SYN2: variants seen among roughly 807,000 people sequenced by gnomAD.
The protein encoded by SYN2 is synapsin II.
A neutral mutation model predicts 50.9 loss-of-function variants in SYN2; 19 were observed. The ratio of observed to expected loss-of-function variants is 0.37; its 90% confidence interval spans 0.26 to 0.55. The LOEUF is 0.55. SYN2 is among the 20% of genes least tolerant of loss of function. SYN2 has a pLI of 0.81. For synonymous variants in SYN2, 255 were observed against 224.9 expected, an observed-to-expected ratio of 1.13 and a Z score of -1.20; for missense variants, 587 against 576.4, an observed-to-expected ratio of 1.02 and a Z score of -0.19.
intron 11 of SYN2, chr3:12,184,740 A>G: frequency 1.0e-6 from 1 of 985,922 alleles, no homozygotes; most frequent in African/African-American, 1.7e-5. Flanking sequence ...GCACCTGAGC[A>G]GATGCTGAGG....
chr3:12,129,318 A>G (rs1414457125), intron 1 of SYN2, among the ~76,000 whole-genome samples: 4 of 152,200 alleles, frequency 2.6e-5, no homozygotes, highest in African/African-American at 9.6e-5. Context: ...TGTTTCAGGA[A>G]TACATTAAAG....
chr3:12,037,968 G>C (rs1488764996), intron 1 of SYN2, among the ~76,000 whole-genome samples: 1 of 152,102 alleles, frequency 6.6e-6, no homozygotes, highest in African/African-American at 2.4e-5. Context: ...TATATCTAAA[G>C]AAACTGTTGC....
chr3:12,189,260 C>G (rs139344610), intron 12 of SYN2, among the ~76,000 whole-genome samples: 3 of 152,198 alleles, frequency 2.0e-5, no homozygotes, highest in African/African-American at 4.8e-5. Flanking sequence ...GACCTCATGT[C>G]CTCTCCTGGA....
At chr3:12,056,119 A>C (rs1164279796) in intron 1 of SYN2, among the ~76,000 whole-genome samples, 2 of 152,162 alleles carry the variant, frequency 1.3e-5, no homozygotes, top group African/African-American at 4.8e-5. Flanking sequence ...AAAGGGATGC[A>C]CAGGGAAACC....
intron 1 of SYN2, among the ~76,000 whole-genome samples, chr3:12,033,635 C>A (rs1324842999): frequency 6.6e-6 from 1 of 152,158 alleles, no homozygotes; most frequent in Non-Finnish European, 1.5e-5. Flanking sequence ...TCTTAATCAC[C>A]CCAAAAACCA....
chr3:12,150,016 C>G lies in SYN2; in HGVS notation c.685-1221C>G, dbSNP rs149250423. ...CCTAGGAAGTTAACAGAACAAGAAT[C>G]AGAAGATTCCAGTTTTCTAACAACC... is the stretch of plus-strand genomic sequence containing the variant. On this transcript the variant is annotated intron_variant, in intron 4 of 12. Coordinates refer to ENST00000621198, the MANE Select transcript of SYN2 (RefSeq NM_133625.6). Among the ~76,000 whole-genome samples, 315 of 152,298 alleles carry G rather than the reference C, an allele frequency of 2.1e-3. 2 individuals carry two copies. Among genetic ancestry groups the G allele is most frequent in the Non-Finnish European group, 3.6e-3 (246 of 68,026 alleles).
intron 1 of SYN2, among the ~76,000 whole-genome samples, chr3:12,119,567 T>C (rs1696507295): frequency 2.6e-5 from 4 of 152,212 alleles, no homozygotes; most frequent in African/African-American, 9.6e-5. Context: ...ATAACAGTTT[T>C]TGCATCAGTG....
intron 1 of SYN2, among the ~76,000 whole-genome samples, chr3:12,019,226 G>T (rs1236620389): frequency 1.3e-5 from 2 of 152,196 alleles, no homozygotes; most frequent in African/African-American, 4.8e-5. Flanking sequence ...GAGACTACAA[G>T]ACTGAAAATG....
intron 1 of SYN2, among the ~76,000 whole-genome samples, chr3:12,039,022 T>C (rs1694557891): frequency 6.6e-6 from 1 of 152,198 alleles, no homozygotes; most frequent in Non-Finnish European, 1.5e-5. Flanking sequence ...CTTTCACTAT[T>C]ATAATGTTAA....
intron 1 of SYN2, among the ~76,000 whole-genome samples, chr3:12,122,559 G>T (rs184245866): frequency 6.6e-4 from 101 of 152,212 alleles, no homozygotes; most frequent in Admixed American, 1.2e-3. Flanking sequence ...TCAGTAAAGT[G>T]GCAGATAGGA....
chr3:12,153,812 G>T, intron 5 of SYN2: 2 of 1,283,258 alleles, frequency 1.6e-6, no homozygotes, highest in Non-Finnish European at 2.2e-6. Context: ...CATCTCAAAT[G>T]CCCCCTATCT....
chr3:12,105,586 C>T (rs1040324401), intron 1 of SYN2, among the ~76,000 whole-genome samples: 7 of 150,800 alleles, frequency 4.6e-5, no homozygotes, highest in Admixed American at 6.6e-5. Flanking sequence ...AGGGCAACTC[C>T]GGTGCTTTGT....
chr3:12,009,904 C>T (rs1468152916), intron 1 of SYN2, among the ~76,000 whole-genome samples: 1 of 152,088 alleles, frequency 6.6e-6, no homozygotes, highest in Non-Finnish European at 1.5e-5. Flanking sequence ...AGTTCAAGAC[C>T]AGCAACACGG....
intron 1 of SYN2, among the ~76,000 whole-genome samples, chr3:12,113,760 T>A (rs1369022618): frequency 6.6e-6 from 1 of 152,226 alleles, no homozygotes; most frequent in East Asian, 1.9e-4. Context: ...GTTTAATTCA[T>A]GTTGTAGTGT....
At chr3:12,004,973 C>T in intron 1 of SYN2, 45 bp downstream of exon 1, 1 of 469,646 alleles carries the variant, frequency 2.1e-6, no homozygotes, top group Non-Finnish European at 3.7e-6. Context: ...GGTCCGCCGG[C>T]AGCCGCAGGC....
intron 1 of SYN2, chr3:12,071,238 G>T: frequency 1.8e-6 from 1 of 555,444 alleles, no homozygotes; most frequent in South Asian, 1.5e-5. Flanking sequence ...TGCCCCCAGA[G>T]CGCAAGTACT....
Position 12,066,051 on chromosome 3 carries a change from C to T in SYN2, c.377+61123C>T, listed in dbSNP as rs116954103. 3.9e-4 allele frequency among the ~76,000 whole-genome samples: 60 copies of T among 152,180 alleles called. No individual in the cohort carries two copies. The East Asian group carries it at 0.01, about 26-fold the overall frequency. ...GTTTCTGTTTTGGGTAACAAAAATACTCTAGAATTAGATAGTGGTAAATAT... is the reference window on the plus strand; with the variant it reads ...GTTTCTGTTTTGGGTAACAAAAATATTCTAGAATTAGATAGTGGTAAATAT... On this transcript the variant is annotated intron_variant, in intron 1 of 12. Coordinates refer to ENST00000621198, the MANE Select transcript of SYN2 (RefSeq NM_133625.6).
chr3:12,152,792 C>T (rs942601912), intron 5 of SYN2, among the ~76,000 whole-genome samples: 27 of 152,178 alleles, frequency 1.8e-4, no homozygotes, highest in African/African-American at 6.5e-4. Context: ...TTATGGACAT[C>T]AGTTGAGGGC....
chr3:12,049,469 A>G (rs1359296822), intron 1 of SYN2, among the ~76,000 whole-genome samples: 5 of 151,996 alleles, frequency 3.3e-5, no homozygotes, highest in African/African-American at 7.2e-5. Flanking sequence ...CAGTGAGCCA[A>G]CATTGTGCCA....
Sources: allele counts gnomAD v4.1 joint callset (sites outside exome capture counted in the v4.1 genomes callset), GRCh38; gene constraint gnomAD v4.1.1; transcripts MANE v1.5; gene names NCBI Gene and HGNC (gene_info 2026-07-23, HGNC 2026-07-21).